The following ROBO2 variants were observed in gnomAD, a reference collection of about 807,000 sequenced individuals.
ROBO2 encodes roundabout guidance receptor 2.
Under a neutral mutation model 160.8 loss-of-function variants are expected in ROBO2, and 53 were observed. The observed-to-expected ratio is 0.33, with a 90% confidence interval of 0.26 to 0.41. The LOEUF (loss-of-function observed/expected upper bound fraction) is 0.41, where lower values mean the gene tolerates loss of function less well. ROBO2 is among the 10% of genes least tolerant of loss of function. ROBO2 has a pLI of 1.00. For missense variants in ROBO2, 1,577 were observed against 1,722.4 expected (o/e 0.92, Z 1.49); for synonymous variants, 664 against 611.7 (o/e 1.09, Z -1.26).
chr3:77,549,868 A>G (rs903031145), intron 7 of ROBO2, among the ~76,000 whole-genome samples: 1 of 152,020 alleles, frequency 6.6e-6, no homozygotes, highest in Non-Finnish European at 1.5e-5. Context: ...ATTAATTACT[A>G]TATGGAGAAA....
At chr3:77,211,670 A>G (rs981903868) in intron 2 of ROBO2, among the ~76,000 whole-genome samples, 14 of 152,180 alleles carry the variant, frequency 9.2e-5, no homozygotes, top group Non-Finnish European at 1.9e-4. Flanking sequence ...CCTGAATGGT[A>G]ATGCCTAGGT....
chr3:76,432,871 G>A (rs949463163), intron 2 of ROBO2, among the ~76,000 whole-genome samples: 9 of 151,732 alleles, frequency 5.9e-5, no homozygotes, highest in African/African-American at 2.2e-4. Context: ...AAAGAAAGGA[G>A]GAGAGAGGGA....
At chr3:77,507,190 G>A (rs994939870) in intron 5 of ROBO2, among the ~76,000 whole-genome samples, 1 of 152,082 alleles carries the variant, frequency 6.6e-6, no homozygotes, top group African/African-American at 2.4e-5. Flanking sequence ...AGGTTGTATG[G>A]AATTCATGAA....
intron 2 of ROBO2, among the ~76,000 whole-genome samples, chr3:76,709,322 T>A (rs73841987): frequency 0.014 from 2,178 of 152,298 alleles, 45 homozygotes; most frequent in African/African-American, 0.042. Flanking sequence ...TATCTCCATG[T>A]TTTTTGAGGC....
intron 2 of ROBO2, among the ~76,000 whole-genome samples, chr3:76,027,788 G>A (rs1318911114): frequency 6.6e-6 from 1 of 151,868 alleles, no homozygotes; most frequent in Non-Finnish European, 1.5e-5. Context: ...AAGTATTTAA[G>A]ATGTTCTTGT....
At chr3:76,567,763 C>A (rs146958417) in intron 2 of ROBO2, among the ~76,000 whole-genome samples, 1 of 88,358 alleles carries the variant, frequency 1.1e-5, no homozygotes, top group Non-Finnish European at 2.1e-5. Context: ...ATATATCTGT[C>A]TGTGTGTGTG....
chr3:76,352,187 A>G (rs567278087), intron 2 of ROBO2, among the ~76,000 whole-genome samples: 111 of 152,084 alleles, frequency 7.3e-4, no homozygotes, highest in Non-Finnish European at 1.4e-3. Flanking sequence ...ACAAATGTGT[A>G]CTAATCTCAT....
At chr3:77,200,292 TATATATATATATA>T (rs2082747168) in intron 2 of ROBO2, among the ~76,000 whole-genome samples, 1 of 66,976 alleles carries the variant, frequency 1.5e-5, no homozygotes, top group Non-Finnish European at 2.9e-5. Flanking sequence ...TATATATATA[TATATATATATATA>T]TATATATATA....
intron 2 of ROBO2, among the ~76,000 whole-genome samples, chr3:76,648,149 G>A (rs1233309496): frequency 1.3e-5 from 2 of 151,642 alleles, no homozygotes; most frequent in Non-Finnish European, 2.9e-5. Flanking sequence ...ATAACACATA[G>A]TAATCTATTA....
intron 2 of ROBO2, among the ~76,000 whole-genome samples, chr3:76,511,203 A>G (rs1448424283): frequency 2.6e-5 from 4 of 152,194 alleles, no homozygotes; most frequent in African/African-American, 9.6e-5. Context: ...GGCCTGTGCT[A>G]CCGTGTCAGG....
chr3:76,992,324 A>AATAT (rs2060711131), intron 2 of ROBO2, among the ~76,000 whole-genome samples: 1 of 72,254 alleles, frequency 1.4e-5, no homozygotes, highest in Admixed American at 1.7e-4. Context: ...TCCATGTATT[A>AATAT]CTATATATAT....
intron 20 of ROBO2, among the ~76,000 whole-genome samples, chr3:77,607,232 T>G (rs2153695767): frequency 6.6e-6 from 1 of 152,346 alleles, no homozygotes; most frequent in Admixed American, 6.5e-5. Flanking sequence ...AATTGTGCCA[T>G]TCATTAGTTA....
chr3:77,098,403 T>G lies in ROBO2; in HGVS notation c.388+63T>G, dbSNP rs2071392509. ...TTTATTTATTTCAAGTAAGTTTTGA[T>G]GTGTTCCCATAGACGCTGAAACCTA... On this transcript the variant is annotated intron_variant, in intron 2 of 25. Transcript: ENST00000461745. The G allele has an allele frequency of 1.3e-5, 19 of 1,516,494 alleles. 1 individual carries two copies. The South Asian group carries it at 1.8e-4, about 15-fold the overall frequency. The allele number at this position is 1,516,494 out of a possible 1,614,324, so 93.9% of individuals were successfully genotyped here. A position where few individuals can be genotyped will look rare whatever the true frequency, so the allele number is the denominator to read the frequency against.
chr3:77,053,692 C>T (rs1035107014), intron 1 of ROBO2, among the ~76,000 whole-genome samples: 1 of 152,130 alleles, frequency 6.6e-6, no homozygotes. Flanking sequence ...CCTGAAATCA[C>T]ATATAATGAT....
chr3:77,278,607 A>T (rs568145488), intron 2 of ROBO2, among the ~76,000 whole-genome samples: 97 of 152,240 alleles, frequency 6.4e-4, no homozygotes, highest in Non-Finnish European at 9.1e-4. Flanking sequence ...CTCACAATAA[A>T]CCTATAGATA....
At chr3:76,973,502 C>T (rs1448559983) in intron 2 of ROBO2, among the ~76,000 whole-genome samples, 1 of 151,772 alleles carries the variant, frequency 6.6e-6, no homozygotes, top group Non-Finnish European at 1.5e-5. Context: ...TATTATTAAA[C>T]TAAATGAATA....
At chr3:76,992,238 G>A (rs2060706570) in intron 2 of ROBO2, among the ~76,000 whole-genome samples, 1 of 150,698 alleles carries the variant, frequency 6.6e-6, no homozygotes, top group Non-Finnish European at 1.5e-5. Flanking sequence ...TGGCAGCAGT[G>A]TGTTTTCATT....
intron 2 of ROBO2, among the ~76,000 whole-genome samples, chr3:77,292,795 C>G (rs920987316): frequency 3.5e-5 from 5 of 142,796 alleles, no homozygotes; most frequent in African/African-American, 1.2e-4. Flanking sequence ...AACAGGTAAG[C>G]TGAGGCTAGA....
intron 2 of ROBO2, among the ~76,000 whole-genome samples, chr3:76,461,741 A>T (rs1251106155): frequency 6.6e-6 from 1 of 152,192 alleles, no homozygotes; most frequent in Non-Finnish European, 1.5e-5. Context: ...CTTAGACCTA[A>T]GTAAATGAAA....
Sources: gnomAD v4.1 joint callset for allele counts (sites outside exome capture counted in the v4.1 genomes callset) on GRCh38, gnomAD v4.1.1 for gene constraint, MANE v1.5 for transcripts, NCBI Gene and HGNC (gene_info 2026-07-23, HGNC 2026-07-21) for gene names.